CFAP221: variants seen among roughly 807,000 people sequenced by gnomAD.
The protein encoded by CFAP221 is cilia and flagella associated protein 221.
In CFAP221, 97 loss-of-function variants were observed where a neutral mutation model predicts 113.1. The observed-to-expected ratio is 0.86, with a 90% confidence interval of 0.73 to 1.02. The LOEUF (loss-of-function observed/expected upper bound fraction) is 1.02. CFAP221 is among the 50% of genes least tolerant of loss of function. CFAP221 has a pLI of 0.00. For synonymous variants in CFAP221, 331 were observed against 354.4 expected (o/e 0.93, Z 0.74); for missense variants, 1,025 against 1,013.4 (o/e 1.01, Z -0.16).
chr2:119,629,490 C>CT (rs1427510157), intron 16 of CFAP221, among the ~76,000 whole-genome samples: 12 of 152,186 alleles, frequency 7.9e-5, no homozygotes. Flanking sequence ...GCGCTTGACT[C>CT]TGACTGATGC....
rs904668160 is a variant in CFAP221 at position 119,618,442 on chromosome 2, C to T, written c.1410+2733C>T. Among the ~76,000 whole-genome samples the T allele has an allele frequency of 3.3e-5, 5 of 152,216 alleles. No homozygotes were observed. The East Asian group carries it at 5.8e-4, about 18-fold the overall frequency. The stretch of plus-strand genomic sequence containing the variant: ...TGGGTACAGCCCATGGAGGGTGAGC[C>T]GAAGCAGGGTGGAGCATCACCTCAC... On this transcript the variant is annotated intron_variant, in intron 14 of 23. Coordinates refer to ENST00000413369, the MANE Select transcript of CFAP221 (RefSeq NM_001271049.2).
chr2:119,597,388 C>G (rs1290703468), intron 7 of CFAP221, among the ~76,000 whole-genome samples: 1 of 152,174 alleles, frequency 6.6e-6, no homozygotes, highest in Admixed American at 6.5e-5. Context: ...GATGGTAGCC[C>G]TCCTTTCTAT....
In CFAP221 at chr2:119,646,978, T is replaced by A; in HGVS notation, c.2246T>A (p.Phe749Tyr). 6.2e-7 allele frequency: 1 copy of A among 1,613,956 alleles called. No individual in the cohort carries two copies. The highest frequency in any genetic ancestry group is 8.5e-7 in the Non-Finnish European group (1 of 1,179,892). ...TTKSCDSFNS[F>Y]MLPIDVPAIL... is the part of the protein sequence containing the mutation. ...CACAGCTGCGATTCCTTCAATTCATTTATGCTTCCGATAGACGTCCCTGCC... is the reference window on the plus strand; with the variant it reads ...CACAGCTGCGATTCCTTCAATTCATATATGCTTCCGATAGACGTCCCTGCC... The change falls in exon 22 of 24, where the codon TTT (phenylalanine) becomes TAT (tyrosine). Residue 749 changes from phenylalanine to tyrosine, a missense_variant. Physicochemically the swap from Phe to Tyr is conservative, Grantham distance 22. Coordinates refer to ENST00000413369, the MANE Select transcript of CFAP221 (RefSeq NM_001271049.2).
At chr2:119,654,291 A>G (rs1344928331) in intron 23 of CFAP221, among the ~76,000 whole-genome samples, 1 of 152,240 alleles carries the variant, frequency 6.6e-6, no homozygotes, top group Non-Finnish European at 1.5e-5. Context: ...GTTAATTAAT[A>G]GAATATTGTG....
chr2:119,548,269 T>G (rs1296783303), intron 2 of CFAP221, among the ~76,000 whole-genome samples: 1 of 152,210 alleles, frequency 6.6e-6, no homozygotes, highest in East Asian at 1.9e-4. Context: ...TACCTTTTAT[T>G]TTTGATTACC....
chr2:119,546,578 C>T (rs1238354775), intron 2 of CFAP221, among the ~76,000 whole-genome samples: 2 of 152,192 alleles, frequency 1.3e-5, no homozygotes, highest in Non-Finnish European at 2.9e-5. Flanking sequence ...ACATTCTCCT[C>T]CTGTCAGTTT....
chr2:119,596,289 C>T (rs1683967032), intron 7 of CFAP221, among the ~76,000 whole-genome samples: 1 of 152,122 alleles, frequency 6.6e-6, no homozygotes, highest in Admixed American at 6.5e-5. Flanking sequence ...CAGTGGGTGG[C>T]TAGGGGGTGC....
chr2:119,643,266 A>C (rs1375688658), intron 21 of CFAP221, among the ~76,000 whole-genome samples: 1 of 152,242 alleles, frequency 6.6e-6, no homozygotes, highest in African/African-American at 2.4e-5. Flanking sequence ...TTTGTTGTTA[A>C]ACCATGCAAT....
At chr2:119,573,915 A>G (rs141899885) in intron 6 of CFAP221, among the ~76,000 whole-genome samples, 1,597 of 152,336 alleles carry the variant, frequency 0.01, 19 homozygotes, top group South Asian at 0.04. Context: ...AAGGGCCTAC[A>G]TATTTCTTCC....
chr2:119,637,616 G>A (rs914139073), intron 19 of CFAP221, among the ~76,000 whole-genome samples: 6 of 152,012 alleles, frequency 3.9e-5, no homozygotes, highest in Admixed American at 1.3e-4. Flanking sequence ...TTTGTTTTAC[G>A]AGCCTCTGAG....
intron 23 of CFAP221, chr2:119,656,115 C>T (rs1476153962): frequency 2.2e-6 from 1 of 462,126 alleles, no homozygotes; most frequent in African/African-American, 2.0e-5. Flanking sequence ...GAAACAGGGG[C>T]TGTGGATTCT....
chr2:119,604,720 T>A lies in CFAP221; in HGVS notation c.840T>A (p.Val280=), dbSNP rs760976727. 1.9e-5 allele frequency: 30 copies of A among 1,551,384 alleles called. No individual in the cohort carries two copies. The highest frequency in any genetic ancestry group is 2.5e-5 in the Non-Finnish European group (29 of 1,154,092). ...ATACCCTTTCTAAGAAAGTAAACGT[T>A]CCTCCAGAAAAAGCAATGATGCATA... ...RLNTLSKKVN[V]PPEKAMMHIN... Residue 280 remains valine, a synonymous_variant, in exon 9 of 24, where the codon GTT becomes GTA. Coordinates refer to ENST00000413369, the MANE Select transcript of CFAP221 (RefSeq NM_001271049.2).
chr2:119,594,030 G>T (rs1032477757), intron 7 of CFAP221, among the ~76,000 whole-genome samples: 3 of 152,150 alleles, frequency 2.0e-5, no homozygotes, highest in African/African-American at 7.2e-5. Context: ...GAGATTTGCA[G>T]GGGACAAACA....
intron 7 of CFAP221, among the ~76,000 whole-genome samples, chr2:119,588,858 C>G (rs534104976): frequency 6.6e-6 from 1 of 152,226 alleles, no homozygotes; most frequent in East Asian, 1.9e-4. Context: ...AGCCATGGGA[C>G]TGGACACGAG....
intron 14 of CFAP221, among the ~76,000 whole-genome samples, chr2:119,624,219 G>A (rs995677144): frequency 1.1e-4 from 17 of 151,968 alleles, no homozygotes; most frequent in Middle Eastern, 3.2e-3. Flanking sequence ...GTATATGAAC[G>A]GACACTTCTC....
At chr2:119,647,151 C>T (rs1198855918) in intron 22 of CFAP221, 101 bp downstream of exon 22, 2 of 846,142 alleles carry the variant, frequency 2.4e-6, no homozygotes, top group Non-Finnish European at 3.7e-6. Context: ...AGTTCCTGAG[C>T]TTGCAACTCA....
Position 119,559,753 on chromosome 2 carries a change from T to C in CFAP221, c.305T>C (p.Phe102Ser), listed in dbSNP as rs981061328. The change falls in exon 4 of 24, where the codon TTT becomes TCT. Residue 102 changes from phenylalanine (F) to serine (S), a missense_variant. By Grantham distance (155) the Phe-to-Ser change is radical. Coordinates refer to ENST00000413369, the MANE Select transcript of CFAP221 (RefSeq NM_001271049.2). ...VHILPPQTKY[F>S]EINYVRKEHH... ...ATTTTACCCCCGCAAACCAAATACTTTGAGATCAATTATGTAAGAAAGGTA... is the reference window on the plus strand; with the variant it reads ...ATTTTACCCCCGCAAACCAAATACTCTGAGATCAATTATGTAAGAAAGGTA... The C allele has an allele frequency of 6.5e-7, 1 of 1,527,906 alleles. No homozygotes were observed. Among genetic ancestry groups the C allele is most frequent in the African/African-American group, 1.4e-5 (1 of 72,754 alleles). 94.6% of individuals were successfully genotyped at this position (1,527,906 alleles called of 1,614,324 possible).
At chr2:119,615,515 C>G in intron 13 of CFAP221, 96 bp from the exon 14 acceptor site, 1 of 906,526 alleles carries the variant, frequency 1.1e-6, no homozygotes, top group Non-Finnish European at 1.7e-6. Context: ...TAAATAACAA[C>G]TTGATTTGGG....
In CFAP221 at chr2:119,596,493, C is replaced by T. The variant is rs530308365; in HGVS notation, c.632-4725C>T. On this transcript the variant is annotated intron_variant, in intron 7 of 23. Transcript: ENST00000413369. The stretch of plus-strand genomic sequence containing the variant: ...CTCCCCAGCATCCTCTACTCAGACT[C>T]CTTCTCCACATCCCCCCATCAGTAC... Among the ~76,000 whole-genome samples, 3 of 152,342 alleles carry T rather than the reference C, an allele frequency of 2.0e-5. No homozygotes were observed. In the East Asian group the frequency reaches 5.8e-4, roughly 29 times the overall value.
Sources: allele counts gnomAD v4.1 joint callset (sites outside exome capture counted in the v4.1 genomes callset), GRCh38; gene constraint gnomAD v4.1.1; transcripts MANE v1.5; gene names NCBI Gene and HGNC (gene_info 2026-07-23, HGNC 2026-07-21).